The following DCAF17 variants were observed in gnomAD, a reference collection of about 807,000 sequenced individuals.
The protein encoded by DCAF17 is DDB1- and CUL4-associated factor 17.
A neutral mutation model predicts 66.0 loss-of-function variants in DCAF17; 48 were observed. The ratio of observed to expected loss-of-function variants is 0.73; its 90% CI spans 0.58 to 0.92. DCAF17 has a LOEUF of 0.92. Ranked by LOEUF, DCAF17 falls within the 40% of genes least tolerant of loss-of-function variation. The probability of loss-of-function intolerance (pLI) is 0.00; values close to 1 mark genes in which losing one functional copy is unlikely to be tolerated. For synonymous variants in DCAF17, 206 were observed against 214.6 expected (o/e 0.96, Z 0.35); for missense variants, 562 against 622.8 (o/e 0.90, Z 1.04).
At chr2:171,450,148 T>G (rs750388815) in intron 5 of DCAF17, 191 bp downstream of exon 5, 37 of 539,196 alleles carry the variant, frequency 6.9e-5, no homozygotes, top group Non-Finnish European at 1.2e-4. Flanking sequence ...AACCAGACAT[T>G]GTATTTTCTC....
Position 171,483,063 on chromosome 2 carries a change from G to A in DCAF17, c.*1949G>A, listed in dbSNP as rs1486399111. ...AGTATGTGGGAATGTAGGCTGCATG[G>A]TTGTTAACAAGATAGATGGTAAAAA... On this transcript the variant is annotated 3_prime_UTR_variant, in exon 14 of 14. Coordinates refer to ENST00000375255, the MANE Select transcript of DCAF17 (RefSeq NM_025000.4). The A allele has an allele frequency of 2.2e-6, 1 of 454,070 alleles. No individual in the cohort carries two copies. 28.1% of individuals were successfully genotyped at this position (454,070 alleles called of 1,614,324 possible).
rs865844878 is a variant in DCAF17 at position 171,474,179 on chromosome 2, A to G, written c.1091+204A>G. ...ACTGTTTGTAAATATTAAATTTGAA[A>G]ACGTTATTTGATGGATGATATGCAA... On this transcript the variant is annotated intron_variant, in intron 10 of 13. Coordinates refer to ENST00000375255, the MANE Select transcript of DCAF17 (RefSeq NM_025000.4). 8.6e-6 allele frequency: 5 copies of G among 581,196 alleles called. No individual in the cohort carries two copies. The African/African-American group carries it at 9.3e-5, about 11-fold the overall frequency. The allele number at this position is 581,196 out of a possible 1,614,324, so 36.0% of individuals were successfully genotyped here.
intron 6 of DCAF17, among the ~76,000 whole-genome samples, chr2:171,457,380 G>A (rs1266813601): frequency 6.6e-6 from 1 of 152,120 alleles, no homozygotes; most frequent in African/African-American, 2.4e-5. Flanking sequence ...CTTCATTTAA[G>A]TAGTTTGTTT....
intron 5 of DCAF17, among the ~76,000 whole-genome samples, chr2:171,450,741 C>T (rs1406435031): frequency 6.6e-6 from 1 of 152,144 alleles, no homozygotes; most frequent in Non-Finnish European, 1.5e-5. Flanking sequence ...AGCTGTTTCT[C>T]ACTAGTGTCC....
intron 3 of DCAF17, among the ~76,000 whole-genome samples, chr2:171,448,377 A>C (rs1031016835): frequency 1.3e-5 from 2 of 151,894 alleles, no homozygotes; most frequent in Non-Finnish European, 2.9e-5. Flanking sequence ...AGGTAGCATC[A>C]TTGTCTTCTA....
chr2:171,452,529 C>T (rs1285607683), intron 5 of DCAF17, among the ~76,000 whole-genome samples: 1 of 152,202 alleles, frequency 6.6e-6, no homozygotes, highest in East Asian at 1.9e-4. Flanking sequence ...TCAGAGTTCA[C>T]TGCAGCTTCA....
intron 5 of DCAF17, 25 bp from the exon 6 acceptor site, chr2:171,453,099 G>A (rs374823854): frequency 1.2e-5 from 19 of 1,548,966 alleles, no homozygotes; most frequent in South Asian, 2.4e-5. Context: ...TGAGAGCTGC[G>A]TGTAATTGTA....
At chr2:171,479,697 C>T (rs1696652755) in intron 12 of DCAF17, 1 of 318,324 alleles carries the variant, frequency 3.1e-6, no homozygotes, top group Non-Finnish European at 6.0e-6. Flanking sequence ...CAGGAATCAG[C>T]AAACACACTT....
At chr2:171,454,169 C>G (rs1443578538) in intron 6 of DCAF17, among the ~76,000 whole-genome samples, 2 of 150,994 alleles carry the variant, frequency 1.3e-5, no homozygotes, top group African/African-American at 4.9e-5. Flanking sequence ...GACTCTGTCT[C>G]TAAAAAATTA....
At chr2:171,470,365 A>C (rs971077912) in intron 9 of DCAF17, among the ~76,000 whole-genome samples, 2 of 151,976 alleles carry the variant, frequency 1.3e-5, no homozygotes, top group African/African-American at 4.8e-5. Context: ...AGTGGCTTTT[A>C]GAGTCACAGA....
At chr2:171,469,404 G>T (rs1696111951) in intron 9 of DCAF17, among the ~76,000 whole-genome samples, 1 of 152,146 alleles carries the variant, frequency 6.6e-6, no homozygotes, top group African/African-American at 2.4e-5. Flanking sequence ...ACGGCTTGTT[G>T]CTCTTTGCCT....
Position 171,469,006 on chromosome 2 carries a change from T to A in DCAF17, c.957T>A (p.Ile319=). The change falls in exon 9 of 14, where the codon ATT becomes ATA. Residue 319 remains isoleucine, a synonymous_variant. Transcript: ENST00000375255. The part of the protein sequence containing the change: ...NKKKQKGVFH[I]CALKDNSLAK... The stretch of plus-strand genomic sequence containing the variant: ...AGAAACAGAAAGGAGTTTTCCATAT[T>A]TGTGCCCTAAAAGACAATTCCCTGG... The A allele has an allele frequency of 6.2e-7, 1 of 1,614,096 alleles. No homozygotes were observed. The highest frequency in any genetic ancestry group is 8.5e-7 in the Non-Finnish European group (1 of 1,179,984).
chr2:171,446,127 T>A (rs1694608685), intron 3 of DCAF17, among the ~76,000 whole-genome samples: 1 of 152,216 alleles, frequency 6.6e-6, no homozygotes, highest in South Asian at 2.1e-4. Flanking sequence ...TTTAAGAAAC[T>A]TGATTATACT....
intron 8 of DCAF17, among the ~76,000 whole-genome samples, chr2:171,467,593 T>TTGTAATACTTAGGAGGCTG (rs1429289806): frequency 6.7e-6 from 1 of 149,776 alleles, no homozygotes; most frequent in Non-Finnish European, 1.5e-5. Context: ...ACTTAGGAGG[T>TTGTAATACTTAGGAGGCTG]TGTAATACTT....
intron 6 of DCAF17, among the ~76,000 whole-genome samples, chr2:171,457,224 T>TA (rs1449725911): frequency 6.6e-6 from 1 of 152,224 alleles, no homozygotes; most frequent in African/African-American, 2.4e-5. Context: ...GCCTGTAGGT[T>TA]AAGTACTTAT....
chr2:171,480,215 C>G lies in DCAF17; in HGVS notation c.1422+22C>G, dbSNP rs771802943. ...TGTGGTGAGTAGAGTCCGTGGGATA[C>G]AAAGTTGTAAACCTTTCCTTTATAG... On this transcript the variant is annotated intron_variant, in intron 13 of 13. Transcript: ENST00000375255. 3 of 1,611,446 alleles carry G rather than the reference C, an allele frequency of 1.9e-6. No individual in the cohort carries two copies. In the African/African-American group the frequency reaches 4.0e-5, roughly 22 times the overall value.
chr2:171,479,599 T>C (rs1320335169), intron 12 of DCAF17: 1 of 186,478 alleles, frequency 5.4e-6, no homozygotes, highest in Non-Finnish European at 1.1e-5. Flanking sequence ...CTTCTAGAAA[T>C]GACTGTGTTT....
intron 10 of DCAF17, among the ~76,000 whole-genome samples, chr2:171,475,680 C>G (rs759316028): frequency 2.0e-5 from 3 of 152,152 alleles, no homozygotes; most frequent in Non-Finnish European, 2.9e-5. Flanking sequence ...GGAGGATCAG[C>G]TGAGCCCAGG....
chr2:171,464,618 T>C (rs1442542053), intron 8 of DCAF17, among the ~76,000 whole-genome samples: 1 of 152,208 alleles, frequency 6.6e-6, no homozygotes, highest in African/African-American at 2.4e-5. Context: ...CTTTAACATA[T>C]CTTTTGAGGG....
Sources: allele counts gnomAD v4.1 joint callset (sites outside exome capture counted in the v4.1 genomes callset), GRCh38; gene constraint gnomAD v4.1.1; transcripts MANE v1.5; gene names NCBI Gene and HGNC (gene_info 2026-07-23, HGNC 2026-07-21).